The following ITGB6 variants were observed in gnomAD, a reference collection of about 807,000 sequenced individuals.
ITGB6 encodes integrin beta-6.
In ITGB6, 80 loss-of-function variants were observed where a neutral mutation model predicts 84.5. The ratio of observed to expected loss-of-function variants is 0.95; its 90% CI spans 0.79 to 1.14. The LOEUF (loss-of-function observed/expected upper bound fraction) is 1.14, where lower values mean the gene tolerates loss of function less well. Ranked by LOEUF, ITGB6 falls within the 50% of genes most tolerant of loss-of-function variation. ITGB6 has a pLI of 0.00. For missense variants in ITGB6, 1,006 were observed against 968.0 expected, an observed-to-expected ratio of 1.04 and a Z score of -0.52; for synonymous variants, 383 against 354.9, an observed-to-expected ratio of 1.08 and a Z score of -0.89.
chr2:160,136,924 A>C (rs1003161385), intron 10 of ITGB6, among the ~76,000 whole-genome samples: 2 of 151,986 alleles, frequency 1.3e-5, no homozygotes, highest in Non-Finnish European at 2.9e-5. Flanking sequence ...AGGGGGAGGG[A>C]TAGCATTAGG....
At chr2:160,107,893 G>A in intron 13 of ITGB6, 48 bp from the exon 14 acceptor site, 1 of 1,486,006 alleles carries the variant, frequency 6.7e-7, no homozygotes, top group South Asian at 1.3e-5. Context: ...TCAACATTTT[G>A]ACATCGGAAA....
chr2:160,133,883 A>G (rs922322691), intron 10 of ITGB6, among the ~76,000 whole-genome samples: 18 of 152,188 alleles, frequency 1.2e-4, no homozygotes, highest in Non-Finnish European at 1.9e-4. Context: ...ACATACCAGA[A>G]TCTCTGGGAC....
At chr2:160,171,103 A>T (rs1685181563) in intron 6 of ITGB6, among the ~76,000 whole-genome samples, 1 of 152,176 alleles carries the variant, frequency 6.6e-6, no homozygotes, top group African/African-American at 2.4e-5. Context: ...ATTTAGGTCA[A>T]GGAATAGTAG....
At chr2:160,119,836 C>A (rs1365830931) in intron 12 of ITGB6, among the ~76,000 whole-genome samples, 3 of 152,006 alleles carry the variant, frequency 2.0e-5, no homozygotes, top group Non-Finnish European at 4.4e-5. Context: ...AACAAACAAC[C>A]CCATCAAAAA....
At chr2:160,130,207 G>T (rs1683411937) in intron 10 of ITGB6, among the ~76,000 whole-genome samples, 1 of 151,968 alleles carries the variant, frequency 6.6e-6, no homozygotes, top group South Asian at 2.1e-4. Flanking sequence ...CATAGAAAAG[G>T]TACAGTAAAA....
chr2:160,180,238 T>A (rs536271868), intron 4 of ITGB6, among the ~76,000 whole-genome samples: 3 of 152,250 alleles, frequency 2.0e-5, no homozygotes, highest in African/African-American at 7.2e-5. Flanking sequence ...TGAAATAAAT[T>A]TTTAGTGTCT....
chr2:160,155,970 A>T lies in ITGB6; in HGVS notation c.1017+13242T>A, dbSNP rs1405092451. ...TGTAGTAGAAGTGTAAATTGGTACA[A>T]CTATTTTGGAAAACTAGTTAGCAGT... On this transcript the variant is annotated intron_variant, in intron 7 of 14. Coordinates refer to ENST00000283249, the MANE Select transcript of ITGB6 (RefSeq NM_000888.5). 2.6e-5 allele frequency among the ~76,000 whole-genome samples: 4 copies of T among 152,204 alleles called. No homozygotes were observed. The East Asian group carries it at 7.7e-4, about 29-fold the overall frequency.
chr2:160,122,483 C>T (rs1208231483), intron 12 of ITGB6, among the ~76,000 whole-genome samples: 3 of 152,138 alleles, frequency 2.0e-5, no homozygotes, highest in Non-Finnish European at 4.4e-5. Flanking sequence ...TTCTCAGAAA[C>T]ACTTGGTAAC....
rs564264978 is a variant in ITGB6 at position 160,181,846 on chromosome 2, C to T, written c.594-7707G>A. Among the ~76,000 whole-genome samples the T allele has an allele frequency of 1.2e-4, 18 of 152,308 alleles. No individual in the cohort carries two copies. In the South Asian group the frequency reaches 3.7e-3, roughly 32 times the overall value. The stretch of plus-strand genomic sequence containing the variant: ...CCTCCGCTGGTGATACCCAGGCAAA[C>T]AGGGTCTGGAGTGGACCTCCAGCAA... On this transcript the variant is annotated intron_variant, in intron 4 of 14. Transcript: ENST00000283249.
chr2:160,170,596 G>A (rs1685164031), intron 6 of ITGB6, among the ~76,000 whole-genome samples: 1 of 152,150 alleles, frequency 6.6e-6, no homozygotes, highest in Non-Finnish European at 1.5e-5. Context: ...ATTTGAATCA[G>A]ATCTGTTGGT....
chr2:160,175,119 T>G (rs1685367408), intron 4 of ITGB6, among the ~76,000 whole-genome samples: 1 of 152,226 alleles, frequency 6.6e-6, no homozygotes, highest in Non-Finnish European at 1.5e-5. Context: ...TGCCTGGGGA[T>G]GAACTGGTTG....
rs376286176 is a variant in ITGB6 at position 160,193,295 on chromosome 2, A to C, written c.593+2074T>G. Among the ~76,000 whole-genome samples the C allele has an allele frequency of 1.2e-4, 18 of 152,362 alleles. No homozygotes were observed. In the East Asian group the frequency reaches 2.9e-3, roughly 24 times the overall value. On this transcript the variant is annotated intron_variant, in intron 4 of 14. Coordinates refer to ENST00000283249, the MANE Select transcript of ITGB6 (RefSeq NM_000888.5). Reference sequence around the variant, plus strand: ...TATATACAATGGATTATTAATTAAAACAAAAAGCAGCAAACTCCTGATACA... The same window carrying C: ...TATATACAATGGATTATTAATTAAACCAAAAAGCAGCAAACTCCTGATACA...
chr2:160,137,911 G>A, intron 9 of ITGB6, 60 bp from the exon 10 acceptor site: 4 of 1,565,674 alleles, frequency 2.6e-6, no homozygotes, highest in Non-Finnish European at 3.5e-6. Context: ...GGTGAAACAA[G>A]GCTTCACGGA....
intron 10 of ITGB6, among the ~76,000 whole-genome samples, chr2:160,132,759 A>T (rs1411092551): frequency 6.6e-6 from 1 of 152,184 alleles, no homozygotes; most frequent in Non-Finnish European, 1.5e-5. Context: ...ATTTTACAAT[A>T]GTCATATACA....
At chr2:160,110,380 A>G (rs975568778) in intron 13 of ITGB6, among the ~76,000 whole-genome samples, 3 of 152,250 alleles carry the variant, frequency 2.0e-5, no homozygotes, top group Non-Finnish European at 2.9e-5. Flanking sequence ...TTAGGGCTCA[A>G]AAAATGAGAG....
At chr2:160,164,379 T>C in intron 7 of ITGB6, among the ~76,000 whole-genome samples, 1 of 152,124 alleles carries the variant, frequency 6.6e-6, no homozygotes, top group East Asian at 1.9e-4. Context: ...CTCAAAGCAT[T>C]TAGATCTCGC....
chr2:160,158,802 T>A (rs1166803773), intron 7 of ITGB6, among the ~76,000 whole-genome samples: 24 of 152,114 alleles, frequency 1.6e-4, no homozygotes. Flanking sequence ...GGAAACTTGT[T>A]AGAAATGCAG....
chr2:160,172,821 T>C, intron 5 of ITGB6, 91 bp from the exon 6 acceptor site: 1 of 940,336 alleles, frequency 1.1e-6, no homozygotes, highest in Admixed American at 2.0e-5. Flanking sequence ...ATTTAGGTTA[T>C]AAAAATAATA....
chr2:160,136,030 C>T (rs1055748753), intron 10 of ITGB6, among the ~76,000 whole-genome samples: 1 of 152,144 alleles, frequency 6.6e-6, no homozygotes, highest in Non-Finnish European at 1.5e-5. Context: ...AAAGCAATGG[C>T]AACAAAAGCC....
Sources: gnomAD v4.1 joint callset for allele counts (sites outside exome capture counted in the v4.1 genomes callset) on GRCh38, gnomAD v4.1.1 for gene constraint, MANE v1.5 for transcripts, NCBI Gene and HGNC (gene_info 2026-07-23, HGNC 2026-07-21) for gene names.